The following INSL6 variants were observed in gnomAD, a reference collection of about 807,000 sequenced individuals.
INSL6 encodes the protein insulin like 6, also known as insulin-like peptide INSL6.
INSL6 carries 16 observed loss-of-function variants against 9.4 expected under a neutral mutation model. That is an observed-to-expected ratio of 1.70 (90% CI 1.15 to 2.59). The LOEUF (loss-of-function observed/expected upper bound fraction) is 2.59. INSL6 is among the 30% of genes most tolerant of loss of function. The pLI is 0.00. For missense variants in INSL6, 391 were observed against 257.3 expected (o/e 1.52, Z -3.56); for synonymous variants, 154 against 96.9 (o/e 1.59, Z -3.46).
chr9:5,185,529 T>C lies in INSL6; in HGVS notation c.74A>G (p.Asp25Gly), dbSNP rs1457875713. Residue 25 changes from aspartate to glycine, a missense_variant, in exon 1 of 2, where the codon GAC becomes GGC. Asp to Gly is a moderately conservative substitution (Grantham distance 94). Coordinates refer to ENST00000381641, the MANE Select transcript of INSL6 (RefSeq NM_007179.3). The stretch of plus-strand genomic sequence containing the variant: ...GCACAGCTTCCTGGCACTGCTGATG[T>C]CGCTCAGTTCACGAGAAAACCGAAC... Reference protein sequence around the residue: ...LLVRFSRELSDISSARKLCGR... With the variant: ...LLVRFSRELSGISSARKLCGR... 1 of 1,614,066 alleles carries C rather than the reference T, an allele frequency of 6.2e-7. No individual in the cohort carries two copies. The highest frequency in any genetic ancestry group is 8.5e-7 in the Non-Finnish European group (1 of 1,180,040).
chr9:5,185,155 T>C (rs1420850636), intron 1 of INSL6, among the ~76,000 whole-genome samples, 159 bp downstream of exon 1: 1 of 152,062 alleles, frequency 6.6e-6, no homozygotes, highest in Non-Finnish European at 1.5e-5. Flanking sequence ...TTCATTGAAG[T>C]TTTGTATATT....
chr9:5,132,401 G>C (rs1444503081), intron 3 of INSL6, among the ~76,000 whole-genome samples: 2 of 151,936 alleles, frequency 1.3e-5, no homozygotes, highest in East Asian at 3.9e-4. Context: ...TAAAACTACT[G>C]TCCTAAATGT....
At chr9:5,103,860 T>C in the INSL6 span, among the ~76,000 whole-genome samples, 1 of 152,130 alleles carries the variant, frequency 6.6e-6, no homozygotes, top group South Asian at 2.1e-4. Flanking sequence ...AGATGTTCTT[T>C]GAAACCAACG....
the INSL6 span, among the ~76,000 whole-genome samples, chr9:5,005,494 T>C: frequency 2.5e-4 from 38 of 152,300 alleles, no homozygotes; most frequent in Non-Finnish European, 4.9e-4. Flanking sequence ...ATGTTAACTT[T>C]GCACTCCTGG....
intron 1 of INSL6, among the ~76,000 whole-genome samples, chr9:5,167,272 T>G (rs114844797): frequency 0.03 from 4,572 of 152,316 alleles, 168 homozygotes; most frequent in African/African-American, 0.091. Context: ...GGTCCCCTCA[T>G]GAGCCCATGC....
At chr9:5,133,041 A>T (rs193118200) in intron 3 of INSL6, among the ~76,000 whole-genome samples, 1 of 152,308 alleles carries the variant, frequency 6.6e-6, no homozygotes, top group Admixed American at 6.5e-5. Context: ...TATTCTTTCT[A>T]GGGCATGATT....
At chr9:5,149,564 A>G (rs62541910) in intron 2 of INSL6, among the ~76,000 whole-genome samples, 3,090 of 152,364 alleles carry the variant, frequency 0.02, 53 homozygotes, top group South Asian at 0.067. Context: ...AAGGAAATCT[A>G]CAATGCAGTG....
intron 2 of INSL6, among the ~76,000 whole-genome samples, chr9:5,152,431 T>C (rs1264116302): frequency 1.3e-5 from 2 of 152,080 alleles, no homozygotes; most frequent in Non-Finnish European, 2.9e-5. Context: ...ACATTAGCAA[T>C]TTTAAAACAA....
chr9:5,058,051 C>A, the INSL6 span, among the ~76,000 whole-genome samples: 2 of 152,074 alleles, frequency 1.3e-5, no homozygotes, highest in African/African-American at 4.8e-5. Flanking sequence ...TGTATGTATT[C>A]TGTGTCATGT....
intron 2 of INSL6, among the ~76,000 whole-genome samples, chr9:5,138,619 T>C (rs1365868532): frequency 1.3e-5 from 2 of 151,882 alleles, no homozygotes; most frequent in African/African-American, 2.4e-5. Flanking sequence ...TTAGGAGAAA[T>C]GCCTAATGTA....
chr9:5,054,980 T>C, the INSL6 span: 2 of 846,076 alleles, frequency 2.4e-6, no homozygotes, highest in Non-Finnish European at 1.8e-6. This position sits in a 1 kb window ranked among gnomAD's most constrained non-coding sequence, Gnocchi z 4.9. Context: ...GGTATTGCAC[T>C]TCTCCCATTT....
At chr9:5,011,850 A>G in the INSL6 span, among the ~76,000 whole-genome samples, 4 of 152,134 alleles carry the variant, frequency 2.6e-5, no homozygotes, top group African/African-American at 9.7e-5. Flanking sequence ...GGTCTATTTC[A>G]GTTTTGCCAT....
At chr9:5,142,293 T>C (rs1391716994) in intron 2 of INSL6, among the ~76,000 whole-genome samples, 5 of 152,222 alleles carry the variant, frequency 3.3e-5, no homozygotes, top group Admixed American at 6.5e-5. Context: ...AATCTGTAGA[T>C]TGCTTTGGGC....
At chr9:5,012,740 G>T in the INSL6 span, among the ~76,000 whole-genome samples, 1 of 152,176 alleles carries the variant, frequency 6.6e-6, no homozygotes, top group Non-Finnish European at 1.5e-5. Flanking sequence ...GAATTATAAG[G>T]TATTGAAGCC....
the INSL6 span, among the ~76,000 whole-genome samples, chr9:5,000,981 CA>C: frequency 6.6e-6 from 1 of 152,008 alleles, no homozygotes; most frequent in African/African-American, 2.4e-5. Flanking sequence ...AGCAAAGCAT[CA>C]AAAATACAGA....
chr9:5,184,238 T>C (rs1385449498), intron 1 of INSL6, among the ~76,000 whole-genome samples: 3 of 152,238 alleles, frequency 2.0e-5, no homozygotes, highest in South Asian at 2.1e-4. Context: ...TTTGGCATGA[T>C]AGTTTACTCA....
the INSL6 span, among the ~76,000 whole-genome samples, chr9:5,116,493 C>G: frequency 6.6e-6 from 1 of 152,126 alleles, no homozygotes; most frequent in Non-Finnish European, 1.5e-5. Flanking sequence ...CTGTTTTGGC[C>G]ATATCCCCAG....
chr9:5,042,816 G>T, the INSL6 span, among the ~76,000 whole-genome samples: 1 of 152,190 alleles, frequency 6.6e-6, no homozygotes, highest in East Asian at 1.9e-4. Context: ...TGGGGCCGCG[G>T]CTGAAGCCAG....
chr9:5,004,276 C>T, the INSL6 span, among the ~76,000 whole-genome samples: 2 of 152,142 alleles, frequency 1.3e-5, no homozygotes, highest in Non-Finnish European at 2.9e-5. Flanking sequence ...ACCAACGTCT[C>T]CCATTCCTCC....
Sources: allele counts gnomAD v4.1 joint callset (sites outside exome capture counted in the v4.1 genomes callset), GRCh38; gene constraint gnomAD v4.1.1; non-coding constraint Gnocchi (gnomAD v3.1); transcripts MANE v1.5; gene names NCBI Gene and HGNC (gene_info 2026-07-23, HGNC 2026-07-21).